The following LRP2 variants were observed in gnomAD, a reference collection of about 807,000 sequenced individuals.
LRP2 encodes the protein low-density lipoprotein receptor-related protein 2.
Under a neutral mutation model 531.0 loss-of-function variants are expected in LRP2, and 172 were observed. The observed-to-expected ratio is 0.32, with a 90% confidence interval of 0.29 to 0.37. The LOEUF is 0.37. Among genes scored for constraint, LRP2 ranks in the 10% least tolerant of loss-of-function variants. LRP2 has a pLI of 1.00. For synonymous variants in LRP2, 1,992 were observed against 2,027.6 expected (o/e 0.98, Z 0.47); for missense variants, 5,167 against 5,868.3 (o/e 0.88, Z 3.90).
chr2:169,291,044 C>A, intron 7 of LRP2, 47 bp from the exon 8 acceptor site: 1 of 1,579,684 alleles, frequency 6.3e-7, no homozygotes, highest in Middle Eastern at 1.7e-4. Flanking sequence ...GGAGGTACAG[C>A]CAGCTCTTTG....
At chr2:169,361,350 G>GTCTCTCTCTGTC (rs1559092778) in intron 1 of LRP2, among the ~76,000 whole-genome samples, 144 of 21,926 alleles carry the variant, frequency 6.6e-3, no homozygotes, top group Non-Finnish European at 9.5e-3. Flanking sequence ...GTCTCTCTCT[G>GTCTCTCTCTGTC]TCTCTCTCTC....
intron 76 of LRP2, among the ~76,000 whole-genome samples, chr2:169,135,724 A>AC (rs1685478123): frequency 1.7e-5 from 1 of 59,028 alleles, no homozygotes; most frequent in South Asian, 6.4e-4. Context: ...TACAGGGTAC[A>AC]GCCATTTAAG....
intron 70 of LRP2, among the ~76,000 whole-genome samples, chr2:169,145,196 CT>C (rs1685863522): frequency 6.6e-6 from 1 of 152,208 alleles, no homozygotes; most frequent in Non-Finnish European, 1.5e-5. Flanking sequence ...TGCCTTTCAT[CT>C]TGCTCCACAC....
chr2:169,163,806 C>G (rs1316277178), intron 62 of LRP2, among the ~76,000 whole-genome samples: 1 of 152,126 alleles, frequency 6.6e-6, no homozygotes, highest in Non-Finnish European at 1.5e-5. Flanking sequence ...CTAATGGTAG[C>G]ATATTTCCCT....
Position 169,160,994 on chromosome 2 carries a change from A to G in LRP2, c.11887+1478T>C, listed in dbSNP as rs374349403. 5.9e-5 allele frequency among the ~76,000 whole-genome samples: 9 copies of G among 152,366 alleles called. No individual in the cohort carries two copies. The South Asian group carries it at 8.3e-4, about 14-fold the overall frequency. On this transcript the variant is annotated intron_variant, in intron 63 of 78. Transcript: ENST00000649046. ...CTTTGGATGCCTCAGGAAAAAGTCA[A>G]TTAGAGCCCAAGAAGTTGAAAGCAC...
intron 44 of LRP2, among the ~76,000 whole-genome samples, chr2:169,199,342 G>C (rs1394264257): frequency 6.6e-6 from 1 of 152,150 alleles, no homozygotes; most frequent in Non-Finnish European, 1.5e-5. Flanking sequence ...CAAAACAGTA[G>C]GCTAACTTTT....
chr2:169,237,142 A>C lies in LRP2; in HGVS notation c.4652T>G (p.Leu1551Arg). The change falls in exon 28 of 79, where the codon CTA (leucine) becomes CGA (arginine). Residue 1551 changes from leucine to arginine, a missense_variant. Coordinates refer to ENST00000649046, the MANE Select transcript of LRP2 (RefSeq NM_004525.3). ...TAATGCTAGTCCTCTTGGATTTGTTAGGTTTTTACTAATCAGCACAGTCCT... is the reference window on the plus strand; with the variant it reads ...TAATGCTAGTCCTCTTGGATTTGTTCGGTTTTTACTAATCAGCACAGTCCT... ...SHRTVLISKNLTNPRGLALDP... is the reference protein window; with the variant it reads ...SHRTVLISKNRTNPRGLALDP... 1 of 1,613,966 alleles carries C rather than the reference A, an allele frequency of 6.2e-7. No homozygotes were observed. The highest frequency in any genetic ancestry group is 1.7e-5 in the Admixed American group (1 of 60,022).
chr2:169,198,909 C>T lies in LRP2; in HGVS notation c.8455G>A (p.Asp2819Asn), dbSNP rs1329871821. The T allele has an allele frequency of 6.2e-7, 1 of 1,613,098 alleles. No homozygotes were observed. The highest frequency in any genetic ancestry group is 8.5e-7 in the Non-Finnish European group (1 of 1,179,470). ...GTGTATCCAGACTGGCAAGTGCGATCAGCTTGAAAAAGACAACCAGATAAA... is the reference window on the plus strand; with the variant it reads ...GTGTATCCAGACTGGCAAGTGCGATTAGCTTGAAAAAGACAACCAGATAAA... ...NNTSDEKNCP[D>N]RTCQSGYTKC... Residue 2819 changes from aspartate (D) to asparagine (N), a missense_variant and splice_region_variant, in exon 45 of 79, where the codon GAT becomes AAT. Around this residue, in one of 6 missense-constraint regions of LRP2, gnomAD observed 1,129 missense variants for 1,362.7 expected, o/e 0.83. Coordinates refer to ENST00000649046, the MANE Select transcript of LRP2 (RefSeq NM_004525.3).
At chr2:169,140,701 C>T (rs1368070263) in intron 71 of LRP2, among the ~76,000 whole-genome samples, 156 bp from the exon 72 acceptor site, 1 of 152,110 alleles carries the variant, frequency 6.6e-6, no homozygotes, top group African/African-American at 2.4e-5. Flanking sequence ...CAGTGAGTTT[C>T]CTTAAGGTCT....
intron 67 of LRP2, 140 bp downstream of exon 67, chr2:169,152,659 A>C (rs1297598752): frequency 1.1e-6 from 1 of 891,440 alleles, no homozygotes; most frequent in Non-Finnish European, 1.8e-6. Context: ...GGCTTCAGCA[A>C]GCCCAACCAC....
Position 169,238,210 on chromosome 2 carries a change from C to T in LRP2, c.4387G>A (p.Glu1463Lys), listed in dbSNP as rs1574166318. The T allele has an allele frequency of 6.2e-7, 1 of 1,614,144 alleles. No individual in the cohort carries two copies. Among genetic ancestry groups the T allele is most frequent in the Non-Finnish European group, 8.5e-7 (1 of 1,179,990 alleles). The stretch of plus-strand genomic sequence containing the variant: ...ACAGCTACAATGTAAGAACCATTCT[C>T]GACCAATGAATAGATATTGTGGACC... ...SQVHNIYSLV[E>K]NGSYIVAVDF... Residue 1463 changes from glutamate to lysine, a missense_variant, in exon 27 of 79, where the codon GAG becomes AAG. Physicochemically the swap from Glu to Lys is moderately conservative, Grantham distance 56 (BLOSUM62 1). Around this residue, in one of 6 missense-constraint regions of LRP2, gnomAD observed 2,811 missense variants for 3,058.0 expected, o/e 0.92. Transcript: ENST00000649046.
At chr2:169,344,967 T>C (rs1338892254) in intron 1 of LRP2, among the ~76,000 whole-genome samples, 1 of 152,130 alleles carries the variant, frequency 6.6e-6, no homozygotes, top group African/African-American at 2.4e-5. Context: ...TAATTTGTCA[T>C]CAAAAAAATA....
intron 9 of LRP2, among the ~76,000 whole-genome samples, chr2:169,285,274 C>T (rs529948065): frequency 1.2e-4 from 18 of 144,848 alleles, no homozygotes; most frequent in African/African-American, 3.2e-4. Context: ...CCAGCCTGGG[C>T]GACAGTGAGA....
intron 1 of LRP2, among the ~76,000 whole-genome samples, chr2:169,358,812 G>A (rs1400952804): frequency 6.7e-6 from 1 of 150,312 alleles, no homozygotes; most frequent in Non-Finnish European, 1.5e-5. Flanking sequence ...GGGCAACACA[G>A]TGAGACCCCA....
chr2:169,208,602 G>A lies in LRP2; in HGVS notation c.6469+851C>T, dbSNP rs543622785. ...CTCCTGAGTAGCTGGGATTACAGGC[G>A]TACGCCACCATGCCTGGTTAATTTT... On this transcript the variant is annotated intron_variant, in intron 38 of 78. Transcript: ENST00000649046. 6.5e-4 allele frequency among the ~76,000 whole-genome samples: 99 copies of A among 152,086 alleles called. 1 individual carries two copies. The highest frequency in any genetic ancestry group is 6.6e-4 in the Non-Finnish European group (45 of 67,978).
chr2:169,319,147 A>C (rs534128139), intron 2 of LRP2, among the ~76,000 whole-genome samples: 6 of 152,352 alleles, frequency 3.9e-5, no homozygotes, highest in South Asian at 2.1e-4. Flanking sequence ...CATACACACA[A>C]AAAAATTATG....
At chr2:169,271,245 G>A in intron 15 of LRP2, 138 bp from the exon 16 acceptor site, 2 of 614,326 alleles carry the variant, frequency 3.3e-6, no homozygotes, top group Non-Finnish European at 5.6e-6. Flanking sequence ...ATAAATTTTT[G>A]GAAAGCATAG....
Position 169,146,967 on chromosome 2 carries a change from A to G in LRP2, c.12591-8T>C, listed in dbSNP as rs755358226. On this transcript the variant is annotated splice_polypyrimidine_tract_variant and splice_region_variant and intron_variant, in intron 68 of 78. Transcript: ENST00000649046. ...TCAGTCCAGAACATAAGCCTATAAC[A>G]GAAGATTTCTTCACTGTAGCATCTC... 32 of 1,597,656 alleles carry G rather than the reference A, an allele frequency of 2.0e-5. No homozygotes were observed. Among genetic ancestry groups the G allele is most frequent in the Non-Finnish European group, 2.7e-5 (31 of 1,168,594 alleles).
Position 169,241,144 on chromosome 2 carries a change from C to A in LRP2, c.3889G>T (p.Gly1297Trp), listed in dbSNP as rs771733361. 1 of 1,614,010 alleles carries A rather than the reference C, an allele frequency of 6.2e-7. No individual in the cohort carries two copies. The highest frequency in any genetic ancestry group is 8.5e-7 in the Non-Finnish European group (1 of 1,180,016). The change falls in exon 25 of 79, where the codon GGG (glycine) becomes TGG (tryptophan). Residue 1297 changes from glycine to tryptophan, a missense_variant. By Grantham distance (184) the Gly-to-Trp change is radical. Coordinates refer to ENST00000649046, the MANE Select transcript of LRP2 (RefSeq NM_004525.3). ...CAGTCCTTCTCATCACTCATATCCCCGCAGTCATTGTCCCGATCACAGAGC... is the reference window on the plus strand; with the variant it reads ...CAGTCCTTCTCATCACTCATATCCCAGCAGTCATTGTCCCGATCACAGAGC... Reference protein sequence around the residue: ...AWLCDRDNDCGDMSDEKDCPT... With the variant: ...AWLCDRDNDCWDMSDEKDCPT...
Sources: allele counts gnomAD v4.1 joint callset (sites outside exome capture counted in the v4.1 genomes callset), GRCh38; gene constraint gnomAD v4.1.1; regional missense constraint gnomAD v4.1.1; transcripts MANE v1.5; gene names NCBI Gene and HGNC (gene_info 2026-07-23, HGNC 2026-07-21).